The following CSMD3 variants were observed in gnomAD, a reference collection of about 807,000 sequenced individuals.
CSMD3 encodes CUB and Sushi multiple domains 3.
A neutral mutation model predicts 435.2 loss-of-function variants in CSMD3; 177 were observed. That is an observed-to-expected ratio of 0.41 (90% CI 0.36 to 0.46). CSMD3 has a LOEUF of 0.46. CSMD3 is among the 20% of genes least tolerant of loss of function. The probability of loss-of-function intolerance (pLI) is 0.34; values close to 1 mark genes in which losing one functional copy is unlikely to be tolerated. For synonymous variants in CSMD3, 1,656 were observed against 1,520.5 expected, an observed-to-expected ratio of 1.09 and a Z score of -2.07; for missense variants, 4,265 against 4,504.6, an observed-to-expected ratio of 0.95 and a Z score of 1.52.
chr8:113,275,003 T>C lies in CSMD3; in HGVS notation c.514+3589A>G, dbSNP rs960576077. On this transcript the variant is annotated intron_variant, in intron 3 of 70. Transcript: ENST00000297405. ...TTAAAAAAGCATATTAACTCCATTA[T>C]AGAAATTTGTACAAATATACTGTAT... Among the ~76,000 whole-genome samples, 7 of 152,194 alleles carry C rather than the reference T, an allele frequency of 4.6e-5. No homozygotes were observed. In the East Asian group the frequency reaches 7.7e-4, roughly 17 times the overall value.
intron 1 of CSMD3, among the ~76,000 whole-genome samples, chr8:113,417,262 A>T (rs1002808200): frequency 6.6e-6 from 1 of 152,036 alleles, no homozygotes; most frequent in African/African-American, 2.4e-5. Context: ...CATGCAATAA[A>T]TATTGCAACC....
At position 113,173,768 on chromosome 8, in the gene CSMD3, A is replaced by C. The variant is rs753432503; in HGVS notation, c.663T>G (p.Asn221Lys). 1.2e-5 allele frequency: 19 copies of C among 1,613,688 alleles called. No homozygotes were observed. The highest frequency in any genetic ancestry group is 1.5e-5 in the Non-Finnish European group (18 of 1,179,764). ...AATCCCACGAAGCTGTATTAACTGA[A>C]TTGGCTATGCAGGTGAGCTGAGGGT... ...DGHPQLTCIA[N>K]SVNTASWDFP... The change falls in exon 4 of 71, where the codon AAT becomes AAG. Residue 221 changes from asparagine to lysine, a missense_variant. This residue lies in a region of CSMD3 where 731 missense variants were observed against 755.4 expected (regional missense o/e 0.97). Transcript: ENST00000297405.
chr8:113,122,675 C>T (rs533129483), intron 4 of CSMD3, among the ~76,000 whole-genome samples: 1 of 152,098 alleles, frequency 6.6e-6, no homozygotes, highest in South Asian at 2.1e-4. Flanking sequence ...TTGAGGCAGC[C>T]TCCAGATGCT....
intron 16 of CSMD3, among the ~76,000 whole-genome samples, chr8:112,674,017 C>A (rs888819854): frequency 6.6e-6 from 1 of 152,046 alleles, no homozygotes. Flanking sequence ...TTAAGCAGAG[C>A]CTCTAGTTTT....
At chr8:113,069,131 T>A (rs1342809323) in intron 5 of CSMD3, among the ~76,000 whole-genome samples, 1 of 152,158 alleles carries the variant, frequency 6.6e-6, no homozygotes, top group Non-Finnish European at 1.5e-5. Flanking sequence ...ACACAAATGT[T>A]ATTAAGTTCC....
chr8:112,278,189 G>C (rs946393258), intron 59 of CSMD3, among the ~76,000 whole-genome samples: 1 of 152,246 alleles, frequency 6.6e-6, no homozygotes. Context: ...GTGGCCCAAG[G>C]GATGACTATC....
chr8:113,218,269 T>C lies in CSMD3; in HGVS notation c.515-44353A>G, dbSNP rs146663276. Among the ~76,000 whole-genome samples, 440 of 151,086 alleles carry C rather than the reference T, an allele frequency of 2.9e-3. 9 individuals are homozygous for C. Among genetic ancestry groups the C allele is most frequent in the Admixed American group, 0.026 (392 of 15,060 alleles). ...GTAATACTCAATGTAAACTCAGATG[T>C]AACTGAAGGAATTAAGGACAATAGA... On this transcript the variant is annotated intron_variant, in intron 3 of 70. Transcript: ENST00000297405.
chr8:113,211,306 C>A (rs1225505042), intron 3 of CSMD3, among the ~76,000 whole-genome samples: 1 of 152,072 alleles, frequency 6.6e-6, no homozygotes, highest in Non-Finnish European at 1.5e-5. Flanking sequence ...AGTTCAATTT[C>A]CATTTAAATA....
intron 6 of CSMD3, among the ~76,000 whole-genome samples, chr8:112,978,995 C>T (rs563888808): frequency 2.6e-5 from 4 of 151,960 alleles, no homozygotes; most frequent in Admixed American, 6.6e-5. Context: ...ATGCAAAAGT[C>T]GCATTTCAAA....
chr8:113,331,129 C>T (rs1399228143), intron 1 of CSMD3, among the ~76,000 whole-genome samples: 1 of 151,586 alleles, frequency 6.6e-6, no homozygotes, highest in Non-Finnish European at 1.5e-5. Flanking sequence ...ATAGAGAGCA[C>T]ATAACTACCA....
At chr8:112,432,909 GAAAAA>G (rs11300101) in intron 32 of CSMD3, among the ~76,000 whole-genome samples, 23 of 145,562 alleles carry the variant, frequency 1.6e-4, no homozygotes, top group South Asian at 8.7e-4. Flanking sequence ...GGCTCCACTG[GAAAAA>G]AAAAAAAAAA....
intron 4 of CSMD3, among the ~76,000 whole-genome samples, chr8:113,129,097 A>T (rs17679713): frequency 0.1 from 15,486 of 152,188 alleles, 939 homozygotes; most frequent in Middle Eastern, 0.17. Flanking sequence ...TGCATACAGA[A>T]ACAATGTTAA....
chr8:113,284,884 C>T (rs1211793618), intron 2 of CSMD3, among the ~76,000 whole-genome samples: 2 of 152,012 alleles, frequency 1.3e-5, no homozygotes, highest in African/African-American at 4.8e-5. Flanking sequence ...AAAATTGTAC[C>T]ACAGTCCAGC....
intron 3 of CSMD3, among the ~76,000 whole-genome samples, chr8:113,204,172 A>G (rs1382012085): frequency 2.6e-5 from 4 of 152,100 alleles, no homozygotes; most frequent in African/African-American, 9.7e-5. Flanking sequence ...CTCTGCCCCA[A>G]GCTTTTCCAG....
intron 61 of CSMD3, among the ~76,000 whole-genome samples, chr8:112,259,675 T>A (rs1816194957): frequency 1.3e-5 from 2 of 152,204 alleles, no homozygotes; most frequent in Admixed American, 1.3e-4. Context: ...ATTGGTTTAC[T>A]GTGTTTAAAT....
At chr8:112,785,241 GT>G (rs1207129595) in intron 13 of CSMD3, among the ~76,000 whole-genome samples, 3 of 151,726 alleles carry the variant, frequency 2.0e-5, no homozygotes, top group Non-Finnish European at 2.9e-5. Flanking sequence ...ACAAAAATGA[GT>G]ATAGAAGGAA....
intron 61 of CSMD3, among the ~76,000 whole-genome samples, chr8:112,263,176 AC>A (rs1249619759): frequency 4.6e-5 from 7 of 151,150 alleles, no homozygotes; most frequent in East Asian, 3.9e-4. Context: ...CAAACAAGAA[AC>A]CCTTTTATCT....
chr8:113,361,614 T>C (rs542751760), intron 1 of CSMD3, among the ~76,000 whole-genome samples: 9 of 152,192 alleles, frequency 5.9e-5, no homozygotes, highest in African/African-American at 2.2e-4. Flanking sequence ...AAAAGTTAGA[T>C]AAGCCAATGT....
At chr8:113,003,682 G>A (rs1188242518) in intron 6 of CSMD3, among the ~76,000 whole-genome samples, 2 of 151,964 alleles carry the variant, frequency 1.3e-5, no homozygotes, top group Non-Finnish European at 2.9e-5. Context: ...TTTAGAAAAG[G>A]AAATGAAGAA....
Sources: allele counts gnomAD v4.1 joint callset (sites outside exome capture counted in the v4.1 genomes callset), GRCh38; gene constraint gnomAD v4.1.1; regional missense constraint gnomAD v4.1.1; transcripts MANE v1.5; gene names NCBI Gene and HGNC (gene_info 2026-07-23, HGNC 2026-07-21).